The following ZBTB7C variants were observed in gnomAD, a reference collection of about 807,000 sequenced individuals.
ZBTB7C encodes zinc finger and BTB domain-containing protein 7C.
Under a neutral mutation model 25.7 loss-of-function variants are expected in ZBTB7C, and 8 were observed. The ratio of observed to expected loss-of-function variants is 0.31; its 90% CI spans 0.18 to 0.56. The LOEUF is 0.56. Ranked by LOEUF, ZBTB7C falls within the 20% of genes least tolerant of loss-of-function variation. The pLI, the probability that ZBTB7C is intolerant of heterozygous loss-of-function variation, is 0.91. For missense variants in ZBTB7C, 824 were observed against 855.2 expected (o/e 0.96, Z 0.46); for synonymous variants, 394 against 369.0 (o/e 1.07, Z -0.78).
chr18:48,338,808 T>C (rs1055226808), intron 1 of ZBTB7C, among the ~76,000 whole-genome samples: 2 of 151,954 alleles, frequency 1.3e-5, no homozygotes, highest in East Asian at 3.9e-4. Flanking sequence ...TGTTCTCGCA[T>C]GTGAGATGTA....
intron 1 of ZBTB7C, among the ~76,000 whole-genome samples, chr18:48,348,456 C>T (rs1288484015): frequency 6.6e-6 from 1 of 152,220 alleles, no homozygotes; most frequent in Non-Finnish European, 1.5e-5. Flanking sequence ...CACAGTTCCC[C>T]ACTAGGGCAA....
At chr18:48,267,508 A>C (rs1044430410) in intron 2 of ZBTB7C, among the ~76,000 whole-genome samples, 3 of 152,176 alleles carry the variant, frequency 2.0e-5, no homozygotes, top group Non-Finnish European at 4.4e-5. Context: ...CAGAGGAATA[A>C]AGGAAACCCA....
chr18:48,174,837 C>A (rs1446323600), intron 3 of ZBTB7C, among the ~76,000 whole-genome samples: 1 of 152,148 alleles, frequency 6.6e-6, no homozygotes, highest in Non-Finnish European at 1.5e-5. Flanking sequence ...ATAGTGCTAC[C>A]TTTTCTGTGA....
chr18:48,158,279 G>A (rs144530713), intron 3 of ZBTB7C, among the ~76,000 whole-genome samples: 3 of 152,184 alleles, frequency 2.0e-5, no homozygotes, highest in African/African-American at 7.2e-5. Context: ...GCAGGGCTGC[G>A]AAGATGTCAG....
intron 2 of ZBTB7C, among the ~76,000 whole-genome samples, chr18:48,323,113 C>T (rs1464070913): frequency 6.6e-6 from 1 of 152,092 alleles, no homozygotes; most frequent in African/African-American, 2.4e-5. Context: ...CTCGAGTGCA[C>T]CAACATCTCA....
intron 2 of ZBTB7C, among the ~76,000 whole-genome samples, chr18:48,316,831 A>C (rs1184375187): frequency 6.6e-6 from 1 of 152,118 alleles, no homozygotes; most frequent in Non-Finnish European, 1.5e-5. Flanking sequence ...CAATGAAGAG[A>C]CCTCGTTCTA....
chr18:48,226,773 C>G (rs558276544), intron 2 of ZBTB7C, among the ~76,000 whole-genome samples: 120 of 152,274 alleles, frequency 7.9e-4, no homozygotes, highest in African/African-American at 2.7e-3. Context: ...GTAATCCCAG[C>G]ACTTTGGGAG....
intron 3 of ZBTB7C, among the ~76,000 whole-genome samples, chr18:48,049,807 A>G (rs760012220): frequency 5.3e-5 from 8 of 152,102 alleles, no homozygotes. Context: ...TTCTATTGCT[A>G]TGATCCACAA....
At chr18:48,192,461 A>G (rs921312807) in intron 2 of ZBTB7C, among the ~76,000 whole-genome samples, 8 of 152,162 alleles carry the variant, frequency 5.3e-5, no homozygotes, top group Admixed American at 4.6e-4. Flanking sequence ...ACGGTTGATG[A>G]TGGACTTTAT....
At chr18:48,311,474 G>T in intron 2 of ZBTB7C, among the ~76,000 whole-genome samples, 1 of 152,182 alleles carries the variant, frequency 6.6e-6, no homozygotes, top group Non-Finnish European at 1.5e-5. Flanking sequence ...AGACATTTTT[G>T]GTTGTCAGTA....
intron 2 of ZBTB7C, among the ~76,000 whole-genome samples, chr18:48,327,057 TCA>T (rs577544555): frequency 1.6e-4 from 25 of 152,094 alleles, no homozygotes; most frequent in Middle Eastern, 3.4e-3. Context: ...GGAGGGTGAG[TCA>T]CCAGCCTCTG....
chr18:48,050,456 C>T (rs752728012), intron 3 of ZBTB7C, among the ~76,000 whole-genome samples: 4 of 152,228 alleles, frequency 2.6e-5, no homozygotes, highest in Non-Finnish European at 5.9e-5. Flanking sequence ...TGCTCTGCCA[C>T]CCTGCCAGGA....
intron 2 of ZBTB7C, among the ~76,000 whole-genome samples, chr18:48,244,063 G>T (rs1464440206): frequency 6.6e-6 from 1 of 152,154 alleles, no homozygotes; most frequent in Non-Finnish European, 1.5e-5. Context: ...ACTCAAAACT[G>T]TAAAAATTCT....
intron 4 of ZBTB7C, among the ~76,000 whole-genome samples, chr18:48,031,849 T>A (rs550817268): frequency 6.6e-6 from 1 of 152,314 alleles, no homozygotes; most frequent in African/African-American, 2.4e-5. Context: ...AGTCAAGGCC[T>A]CTTTTCTCAC....
intron 2 of ZBTB7C, among the ~76,000 whole-genome samples, chr18:48,296,847 G>A (rs539432032): frequency 2.0e-5 from 3 of 152,242 alleles, no homozygotes; most frequent in South Asian, 2.1e-4. Context: ...TCACAGGAGC[G>A]CGAACTCTAT....
intron 2 of ZBTB7C, among the ~76,000 whole-genome samples, chr18:48,299,254 A>C (rs1321632351): frequency 2.0e-5 from 3 of 152,162 alleles, no homozygotes; most frequent in Non-Finnish European, 4.4e-5. Context: ...CAGGGAAAAA[A>C]ACTTATCCCC....
intron 2 of ZBTB7C, among the ~76,000 whole-genome samples, chr18:48,337,548 C>CT (rs2046484086): frequency 6.6e-6 from 1 of 152,246 alleles, no homozygotes; most frequent in Admixed American, 6.5e-5. Context: ...CCCAAGGTAT[C>CT]TGACAGGCCC....
At chr18:48,171,093 T>C (rs6507822) in intron 3 of ZBTB7C, among the ~76,000 whole-genome samples, 132,288 of 152,242 alleles carry the variant, frequency 0.87, 57,820 homozygotes, top group African/African-American at 0.95. Context: ...GGACCTGGAC[T>C]CAGAGACTCC....
chr18:48,208,745 CTG>C (rs1160668452), intron 2 of ZBTB7C, among the ~76,000 whole-genome samples: 1 of 152,244 alleles, frequency 6.6e-6, no homozygotes, highest in Non-Finnish European at 1.5e-5. Context: ...ATCTCAGACT[CTG>C]TGTGGCAGAA....
Sources: allele counts gnomAD v4.1 joint callset (sites outside exome capture counted in the v4.1 genomes callset), GRCh38; gene constraint gnomAD v4.1.1; transcripts MANE v1.5; gene names NCBI Gene and HGNC (gene_info 2026-07-23, HGNC 2026-07-21).